SH3KBP1: variants seen among roughly 807,000 people sequenced by gnomAD.
The protein encoded by SH3KBP1 is SH3 domain containing kinase binding protein 1.
Under a neutral mutation model 50.1 loss-of-function variants are expected in SH3KBP1, and 8 were observed. The observed-to-expected ratio is 0.16, with a 90% confidence interval of 0.09 to 0.29. SH3KBP1 has a LOEUF of 0.29. Among genes scored for constraint, SH3KBP1 ranks in the 10% least tolerant of loss-of-function variants. The pLI is 1.00. For missense variants in SH3KBP1, 377 were observed against 535.2 expected, an observed-to-expected ratio of 0.70 and a Z score of 2.92; for synonymous variants, 227 against 218.6, an observed-to-expected ratio of 1.04 and a Z score of -0.34.
chrX:19,637,894 T>G (rs1275866649), intron 7 of SH3KBP1, among the ~76,000 whole-genome samples: 1 of 94,075 alleles, frequency 1.1e-5, no homozygotes, highest in Admixed American at 1.2e-4. Context: ...TTGGTCAACA[T>G]AGTGAAACCC....
At chrX:19,553,912 TTATA>T (rs1361061990) in intron 13 of SH3KBP1, among the ~76,000 whole-genome samples, 1 of 72,425 alleles carries the variant, frequency 1.4e-5, no homozygotes, top group Non-Finnish European at 2.5e-5. Context: ...ATATAAAATA[TTATA>T]TATAATATTA....
chrX:19,793,313 A>AAAAAAATATATATAT (rs1418807395), intron 2 of SH3KBP1, among the ~76,000 whole-genome samples: 1 of 96,985 alleles, frequency 1.0e-5, no homozygotes, highest in African/African-American at 3.9e-5. Context: ...AGGAAAAAAA[A>AAAAAAATATATATAT]ATATATATAT....
chrX:19,887,372 G>A lies in SH3KBP1; in HGVS notation c.-62C>T. 1 of 919,267 alleles carries A rather than the reference G, an allele frequency of 1.1e-6. No individual in the cohort carries two copies. The highest frequency in any genetic ancestry group is 1.4e-6 in the Non-Finnish European group (1 of 735,857). The allele number at this position is 919,267 out of a possible 1,213,427, so 75.8% of individuals were successfully genotyped here. A position where few individuals can be genotyped will look rare whatever the true frequency, so the allele number is the denominator to read the frequency against. On this transcript the variant is annotated 5_prime_UTR_variant, in exon 1 of 18. Coordinates refer to ENST00000397821, the MANE Select transcript of SH3KBP1 (RefSeq NM_031892.3). ...AAAGTTGGCGGAGGCGGGCGTGGGG[G>A]TTGGGGCGCCGGGATCGGGGCGCTG...
At chrX:19,545,747 T>A (rs773219384) in intron 15 of SH3KBP1, among the ~76,000 whole-genome samples, 175 bp downstream of exon 15, 5 of 112,165 alleles carry the variant, frequency 4.5e-5, no homozygotes, top group Non-Finnish European at 9.4e-5. Flanking sequence ...TCTCAGGGAT[T>A]CTGCCTAGTT....
intron 1 of SH3KBP1, among the ~76,000 whole-genome samples, chrX:19,846,505 C>T (rs2068372711): frequency 9.0e-6 from 1 of 111,449 alleles, no homozygotes; most frequent in African/African-American, 3.3e-5. Context: ...TAGAGATTTT[C>T]CTGACTTTAT....
chrX:19,680,512 A>G (rs895410459), intron 6 of SH3KBP1, among the ~76,000 whole-genome samples: 9 of 111,452 alleles, frequency 8.1e-5, no homozygotes, highest in African/African-American at 2.9e-4. Flanking sequence ...CAGAAGGCCA[A>G]CTGTCGCAGC....
In SH3KBP1 at chrX:19,719,437, T is replaced by C. The variant is rs184917965; in HGVS notation, c.287-12453A>G. Among the ~76,000 whole-genome samples the C allele has an allele frequency of 6.1e-3, 683 of 111,796 alleles. 8 individuals carry two copies. The highest frequency in any genetic ancestry group is 0.02 in the African/African-American group (621 of 30,723). ...ATCTGACCCCCCCAAATCAAGTTTC[T>C]ACTTCCAACGTAATAGTCAAAGGGG... On this transcript the variant is annotated intron_variant, in intron 3 of 17. Transcript: ENST00000397821.
intron 1 of SH3KBP1, among the ~76,000 whole-genome samples, chrX:19,874,576 T>G (rs2069183777): frequency 1.1e-5 from 1 of 91,837 alleles, no homozygotes; most frequent in African/African-American, 4.2e-5. Flanking sequence ...ATGTGGGCAA[T>G]GAGAAGGGTA....
chrX:19,554,213 ATAT>A (rs771523219), intron 13 of SH3KBP1, among the ~76,000 whole-genome samples: 152 of 70,507 alleles, frequency 2.2e-3, no homozygotes, highest in African/African-American at 7.7e-3. Flanking sequence ...TTAAAATATA[ATAT>A]TATATATCAT....
chrX:19,842,298 C>A (rs996383001), intron 1 of SH3KBP1, among the ~76,000 whole-genome samples: 1 of 112,120 alleles, frequency 8.9e-6, no homozygotes, highest in Non-Finnish European at 1.9e-5. Context: ...GAGGCCGAGG[C>A]GGGCAGATCA....
intron 1 of SH3KBP1, among the ~76,000 whole-genome samples, chrX:19,844,108 C>A (rs1027903052): frequency 2.7e-5 from 3 of 111,497 alleles, no homozygotes; most frequent in African/African-American, 9.8e-5. Context: ...AAGGGTGAGA[C>A]GTGATATCTG....
chrX:19,562,437 A>C (rs769738948), intron 13 of SH3KBP1, among the ~76,000 whole-genome samples: 2 of 111,412 alleles, frequency 1.8e-5, no homozygotes, highest in Non-Finnish European at 3.8e-5. Flanking sequence ...TTCAGTTCAG[A>C]GACCTCTGTG....
At chrX:19,589,774 C>G (rs949557390) in intron 11 of SH3KBP1, among the ~76,000 whole-genome samples, 1 of 109,121 alleles carries the variant, frequency 9.2e-6, no homozygotes, top group South Asian at 4.0e-4. Flanking sequence ...CTTGCAAACA[C>G]AGACTCATGT....
chrX:19,756,164 A>C (rs2065205847), intron 2 of SH3KBP1, among the ~76,000 whole-genome samples: 1 of 111,646 alleles, frequency 9.0e-6, no homozygotes, highest in African/African-American at 3.3e-5. Flanking sequence ...CTCAGTACAC[A>C]GAAGGACCCT....
chrX:19,592,602 C>T (rs889167157), intron 10 of SH3KBP1, among the ~76,000 whole-genome samples: 1 of 111,990 alleles, frequency 8.9e-6, no homozygotes, highest in African/African-American at 3.2e-5. Flanking sequence ...TTACCTGATA[C>T]TCCTCCCAGT....
intron 3 of SH3KBP1, among the ~76,000 whole-genome samples, chrX:19,727,768 A>T (rs781233080): frequency 8.9e-5 from 10 of 112,344 alleles, no homozygotes; most frequent in African/African-American, 3.2e-4. Context: ...GGCAGATCAC[A>T]AGGTCAAGAG....
At chrX:19,712,733 C>T (rs2063806771) in intron 3 of SH3KBP1, among the ~76,000 whole-genome samples, 1 of 111,174 alleles carries the variant, frequency 9.0e-6, no homozygotes. Context: ...CCCAAGTGAT[C>T]CAAGTTAACA....
chrX:19,543,636 C>A (rs1025787819), intron 15 of SH3KBP1, among the ~76,000 whole-genome samples: 5 of 111,481 alleles, frequency 4.5e-5, no homozygotes, highest in Admixed American at 1.9e-4. Flanking sequence ...CATGCTCATG[C>A]GGAAGCCTCA....
At chrX:19,807,778 C>G (rs746789457) in intron 2 of SH3KBP1, among the ~76,000 whole-genome samples, 9 of 112,150 alleles carry the variant, frequency 8.0e-5, no homozygotes, top group African/African-American at 2.6e-4. Context: ...GTGTTTTGAT[C>G]GTTGCAGCAG....
Sources: allele counts gnomAD v4.1 joint callset (sites outside exome capture counted in the v4.1 genomes callset), GRCh38; gene constraint gnomAD v4.1.1; transcripts MANE v1.5; gene names NCBI Gene and HGNC (gene_info 2026-07-23, HGNC 2026-07-21).